MLLT3: variants seen among roughly 807,000 people sequenced by gnomAD.
The protein encoded by MLLT3 is MLLT3 super elongation complex subunit.
A neutral mutation model predicts 53.2 loss-of-function variants in MLLT3; 4 were observed. The observed-to-expected ratio is 0.08, with a 90% CI of 0.04 to 0.17. The LOEUF (loss-of-function observed/expected upper bound fraction) is 0.17, where lower values mean the gene tolerates loss of function less well. Among genes scored for constraint, MLLT3 ranks in the 10% least tolerant of loss-of-function variants. The pLI is 1.00. For synonymous variants in MLLT3, 283 were observed against 230.6 expected (o/e 1.23, Z -2.06); for missense variants, 569 against 684.0 (o/e 0.83, Z 1.87).
Position 20,621,666 on chromosome 9 carries a change from T to C in MLLT3, c.12+579A>G. 2.6e-6 allele frequency: 3 copies of C among 1,152,790 alleles called. No individual in the cohort carries two copies. Among genetic ancestry groups the C allele is most frequent in the Non-Finnish European group, 2.3e-6 (2 of 853,846 alleles). The allele number at this position is 1,152,790 out of a possible 1,614,324, so 71.4% of individuals were successfully genotyped here. A position where few individuals can be genotyped will look rare whatever the true frequency, so the allele number is the denominator to read the frequency against. ...GCGGCGGGCGGACAGCCGCCGAGCC[T>C]CGGCTCGCGCTCAGCACCTCCCGGC... On this transcript the variant is annotated intron_variant, in intron 1 of 10. Transcript: ENST00000380338. This position sits in a 1 kb window ranked among gnomAD's most constrained non-coding sequence, Gnocchi z 7.0.
chr9:20,502,099 G>C (rs75239019), intron 2 of MLLT3, among the ~76,000 whole-genome samples: 42 of 91,596 alleles, frequency 4.6e-4, no homozygotes, highest in Non-Finnish European at 6.4e-4. Flanking sequence ...AAAAAGGGGG[G>C]GGGGGGGACT....
intron 3 of MLLT3, among the ~76,000 whole-genome samples, chr9:20,452,197 A>G (rs1223240470): frequency 1.3e-5 from 2 of 152,160 alleles, no homozygotes; most frequent in Non-Finnish European, 2.9e-5. Flanking sequence ...ACCATTTGAT[A>G]TGGTTTGGCT....
chr9:20,516,380 A>T (rs552914347), intron 2 of MLLT3, among the ~76,000 whole-genome samples: 12 of 152,238 alleles, frequency 7.9e-5, no homozygotes, highest in Non-Finnish European at 1.5e-4. Flanking sequence ...ACTTTAAATT[A>T]CAGTTAATCA....
chr9:20,444,500 T>C (rs912431311), intron 4 of MLLT3, among the ~76,000 whole-genome samples: 1 of 152,080 alleles, frequency 6.6e-6, no homozygotes, highest in Non-Finnish European at 1.5e-5. Context: ...ATATAATAAA[T>C]ATGAATAATA....
chr9:20,548,149 A>C (rs1373752979), intron 2 of MLLT3, among the ~76,000 whole-genome samples: 1 of 152,238 alleles, frequency 6.6e-6, no homozygotes, highest in Admixed American at 6.5e-5. Context: ...CCTCTTGTTT[A>C]AGTTTAAAAT....
At chr9:20,536,048 A>AT (rs945491800) in intron 2 of MLLT3, among the ~76,000 whole-genome samples, 2 of 151,920 alleles carry the variant, frequency 1.3e-5, no homozygotes, top group Middle Eastern at 3.2e-3. Flanking sequence ...TTAAAGGGGG[A>AT]TTTTTTTTCT....
intron 5 of MLLT3, among the ~76,000 whole-genome samples, chr9:20,393,726 T>C (rs1822249832): frequency 6.6e-6 from 1 of 152,176 alleles, no homozygotes; most frequent in Admixed American, 6.6e-5. Context: ...AGAAAAGTCA[T>C]TATTGGATTT....
chr9:20,416,874 C>T (rs977618404), intron 4 of MLLT3, among the ~76,000 whole-genome samples: 1 of 152,060 alleles, frequency 6.6e-6, no homozygotes, highest in Non-Finnish European at 1.5e-5. Flanking sequence ...TTTCTTTGTC[C>T]TGGGCCCATG....
At chr9:20,381,557 G>A (rs949313917) in intron 5 of MLLT3, among the ~76,000 whole-genome samples, 1 of 151,796 alleles carries the variant, frequency 6.6e-6, no homozygotes, top group Non-Finnish European at 1.5e-5. Flanking sequence ...CAATCTAAAT[G>A]CCATTCAGTC....
chr9:20,525,584 A>G (rs560782449), intron 2 of MLLT3, among the ~76,000 whole-genome samples: 1 of 152,340 alleles, frequency 6.6e-6, no homozygotes, highest in South Asian at 2.1e-4. Flanking sequence ...CATTCCTCCT[A>G]TCAAATGTTA....
At chr9:20,481,560 CAA>C (rs1254166916) in intron 2 of MLLT3, among the ~76,000 whole-genome samples, 1 of 152,082 alleles carries the variant, frequency 6.6e-6, no homozygotes, top group Non-Finnish European at 1.5e-5. Context: ...CTCTCAGATA[CAA>C]AGAGACAACT....
At chr9:20,570,291 T>C (rs896977075) in intron 2 of MLLT3, among the ~76,000 whole-genome samples, 5 of 152,194 alleles carry the variant, frequency 3.3e-5, no homozygotes, top group South Asian at 2.1e-4. Flanking sequence ...AATCAAGTCA[T>C]AGAATCTTAA....
intron 2 of MLLT3, among the ~76,000 whole-genome samples, chr9:20,619,239 A>C (rs1424189418): frequency 6.6e-6 from 1 of 152,240 alleles, no homozygotes; most frequent in East Asian, 1.9e-4. Flanking sequence ...GGCCATGCAT[A>C]TTTCTAGCCC....
intron 2 of MLLT3, among the ~76,000 whole-genome samples, chr9:20,546,563 T>A (rs1007686903): frequency 3.3e-5 from 5 of 149,810 alleles, no homozygotes; most frequent in Admixed American, 2.0e-4. Context: ...AAAAAAAAAA[T>A]CTACTGTATG....
intron 2 of MLLT3, among the ~76,000 whole-genome samples, chr9:20,577,987 C>T (rs1362076723): frequency 6.6e-6 from 1 of 152,210 alleles, no homozygotes; most frequent in Non-Finnish European, 1.5e-5. Flanking sequence ...AAATCTCTCC[C>T]TGCTAAAACT....
intron 4 of MLLT3, among the ~76,000 whole-genome samples, chr9:20,416,237 T>G (rs978190172): frequency 6.6e-6 from 1 of 152,068 alleles, no homozygotes; most frequent in Admixed American, 6.5e-5. Context: ...GCTTGTTGAC[T>G]TACTGATTTT....
intron 2 of MLLT3, among the ~76,000 whole-genome samples, chr9:20,555,541 G>T (rs1365972853): frequency 1.3e-5 from 2 of 152,174 alleles, no homozygotes; most frequent in Non-Finnish European, 2.9e-5. Flanking sequence ...TTTAAACCGG[G>T]CTATGTATAA....
At chr9:20,473,741 CA>C (rs1230686805) in intron 2 of MLLT3, among the ~76,000 whole-genome samples, 1 of 151,856 alleles carries the variant, frequency 6.6e-6, no homozygotes, top group Non-Finnish European at 1.5e-5. Context: ...CAAAAGACAA[CA>C]AAAAAACTAA....
chr9:20,514,939 A>ATTTTTTTTTTTTTTTTTTTTTTTTTT (rs35816235), intron 2 of MLLT3, among the ~76,000 whole-genome samples: 5 of 88,734 alleles, frequency 5.6e-5, no homozygotes, highest in Non-Finnish European at 1.0e-4. Context: ...TGAAGGAACA[A>ATTTTTTTTTTTTTTTTTTTTTTTTTT]TTTTTTTTTT....
Sources: gnomAD v4.1 joint callset for allele counts (sites outside exome capture counted in the v4.1 genomes callset) on GRCh38, gnomAD v4.1.1 for gene constraint, Gnocchi (gnomAD v3.1) non-coding constraint, MANE v1.5 for transcripts, NCBI Gene and HGNC (gene_info 2026-07-23, HGNC 2026-07-21) for gene names.